Variants in EYA1 observed in about 807,000 individuals in gnomAD.
EYA1 encodes the protein protein phosphatase EYA1.
Under a neutral mutation model 82.0 loss-of-function variants are expected in EYA1, and 16 were observed. The observed-to-expected ratio is 0.20, with a 90% CI of 0.13 to 0.30. The LOEUF is 0.30. Ranked by LOEUF, EYA1 falls within the 10% of genes least tolerant of loss-of-function variation. EYA1 has a pLI of 1.00. For missense variants in EYA1, 633 were observed against 730.7 expected (o/e 0.87, Z 1.54); for synonymous variants, 261 against 264.4 (o/e 0.99, Z 0.12).
At chr8:71,205,923 G>A (rs1807709403) in intron 17 of EYA1, among the ~76,000 whole-genome samples, 1 of 152,132 alleles carries the variant, frequency 6.6e-6, no homozygotes, top group Admixed American at 6.6e-5. Flanking sequence ...AATGTAAAAT[G>A]TTTTGATTTG....
intron 2 of EYA1, among the ~76,000 whole-genome samples, chr8:71,414,031 T>A (rs530914835): frequency 2.0e-5 from 3 of 152,146 alleles, no homozygotes; most frequent in Non-Finnish European, 4.4e-5. Flanking sequence ...GAAAGTAGAA[T>A]TGAGCAGACA....
chr8:71,375,998 A>T (rs1828348405), intron 2 of EYA1, among the ~76,000 whole-genome samples: 1 of 152,226 alleles, frequency 6.6e-6, no homozygotes, highest in African/African-American at 2.4e-5. Context: ...ATATAAAAGT[A>T]GACAGTTTTC....
intron 3 of EYA1, among the ~76,000 whole-genome samples, chr8:71,337,398 C>A (rs1370808358): frequency 6.6e-6 from 1 of 152,164 alleles, no homozygotes; most frequent in Non-Finnish European, 1.5e-5. Context: ...ATATATTCAT[C>A]CTTTAAAAAT....
chr8:71,480,223 C>T (rs1810025583), intron 2 of EYA1, among the ~76,000 whole-genome samples: 2 of 152,256 alleles, frequency 1.3e-5, no homozygotes, highest in South Asian at 4.2e-4. Context: ...AAACTCAAGA[C>T]CATTTAATCA....
At chr8:71,511,709 T>C (rs1005731649) in intron 2 of EYA1, among the ~76,000 whole-genome samples, 4 of 152,234 alleles carry the variant, frequency 2.6e-5, no homozygotes, top group South Asian at 4.1e-4. Flanking sequence ...CCACGCCTTA[T>C]GCTATTGCTT....
At chr8:71,431,435 T>A (rs1345278642) in intron 2 of EYA1, among the ~76,000 whole-genome samples, 1 of 152,186 alleles carries the variant, frequency 6.6e-6, no homozygotes, top group Non-Finnish European at 1.5e-5. Flanking sequence ...GTCACTCTTC[T>A]GTGGATGACT....
At chr8:71,504,473 A>G (rs1334618844) in intron 2 of EYA1, among the ~76,000 whole-genome samples, 1 of 152,228 alleles carries the variant, frequency 6.6e-6, no homozygotes, top group South Asian at 2.1e-4. Context: ...TTACTACTGA[A>G]AATCATAGTT....
chr8:71,329,577 C>G (rs1328271926), intron 4 of EYA1, among the ~76,000 whole-genome samples: 2 of 152,202 alleles, frequency 1.3e-5, no homozygotes, highest in Non-Finnish European at 2.9e-5. Flanking sequence ...TCCAACTCTT[C>G]AAGCTCACAT....
At chr8:71,283,404 T>C (rs1255146385) in intron 9 of EYA1, among the ~76,000 whole-genome samples, 1 of 152,234 alleles carries the variant, frequency 6.6e-6, no homozygotes, top group African/African-American at 2.4e-5. Flanking sequence ...ATGCATTTTA[T>C]ATGTACTTAT....
At chr8:71,319,161 C>T (rs1436631000) in intron 6 of EYA1, among the ~76,000 whole-genome samples, 1 of 151,326 alleles carries the variant, frequency 6.6e-6, no homozygotes, top group East Asian at 2.0e-4. Flanking sequence ...GACGGAGTCT[C>T]GCTCTGTCAC....
intron 2 of EYA1, among the ~76,000 whole-genome samples, chr8:71,477,435 A>G (rs1809746492): frequency 6.6e-6 from 1 of 152,102 alleles, no homozygotes; most frequent in Admixed American, 6.6e-5. Flanking sequence ...TCTAAAGAAA[A>G]TACACAAATG....
chr8:71,257,706 A>G (rs149548062), intron 11 of EYA1, among the ~76,000 whole-genome samples: 61 of 152,360 alleles, frequency 4.0e-4, no homozygotes, highest in African/African-American at 1.4e-3. Flanking sequence ...AGGAACCCAG[A>G]GGAACTCCTA....
intron 9 of EYA1, among the ~76,000 whole-genome samples, chr8:71,295,318 A>G (rs796330822): frequency 8.5e-5 from 13 of 152,318 alleles, no homozygotes; most frequent in African/African-American, 2.4e-4. Flanking sequence ...AAATATTGCA[A>G]AACACCTATC....
intron 10 of EYA1, among the ~76,000 whole-genome samples, chr8:71,270,813 G>T (rs1343596108): frequency 6.6e-6 from 1 of 152,104 alleles, no homozygotes; most frequent in Non-Finnish European, 1.5e-5. Context: ...ATATAAGTGT[G>T]TCTTTCATTT....
intron 12 of EYA1, among the ~76,000 whole-genome samples, chr8:71,232,831 A>T (rs544842356): frequency 2.0e-4 from 30 of 152,224 alleles, no homozygotes; most frequent in African/African-American, 6.3e-4. Context: ...ACAGGGCTTG[A>T]CCCAGCATTC....
chr8:71,199,498 C>A, intron 17 of EYA1, 78 bp from the exon 18 acceptor site: 2 of 866,164 alleles, frequency 2.3e-6, no homozygotes, highest in South Asian at 2.8e-5. Context: ...AATCCACTCC[C>A]ATGCTGACCC....
At chr8:71,473,446 A>G (rs570389863) in intron 2 of EYA1, among the ~76,000 whole-genome samples, 3 of 152,338 alleles carry the variant, frequency 2.0e-5, no homozygotes, top group African/African-American at 7.2e-5. Context: ...AACATATGAA[A>G]AAAAGCTCAT....
intron 2 of EYA1, among the ~76,000 whole-genome samples, chr8:71,474,110 A>G (rs185755192): frequency 2.0e-5 from 3 of 150,946 alleles, no homozygotes; most frequent in Non-Finnish European, 4.4e-5. Flanking sequence ...TGACGGGTTG[A>G]TGGGTGCAGC....
chr8:71,222,059 GCA>G (rs990616712), intron 12 of EYA1, among the ~76,000 whole-genome samples: 7 of 152,264 alleles, frequency 4.6e-5, no homozygotes, highest in South Asian at 2.1e-4. Flanking sequence ...TCTTCCAAGT[GCA>G]GTTTCCTTTT....
Sources: gnomAD v4.1 joint callset for allele counts (sites outside exome capture counted in the v4.1 genomes callset) on GRCh38, gnomAD v4.1.1 for gene constraint, MANE v1.5 for transcripts, NCBI Gene and HGNC (gene_info 2026-07-23, HGNC 2026-07-21) for gene names.